Variants in RAD18 observed in about 807,000 individuals in gnomAD.
The protein encoded by RAD18 is E3 ubiquitin-protein ligase RAD18.
Under a neutral mutation model 60.4 loss-of-function variants are expected in RAD18, and 47 were observed. That is an observed-to-expected ratio of 0.78 (90% CI 0.62 to 0.99). RAD18 has a LOEUF of 0.99. Ranked by LOEUF, RAD18 falls within the 50% of genes least tolerant of loss-of-function variation. The pLI, the probability that RAD18 is intolerant of heterozygous loss-of-function variation, is 0.00. For missense variants in RAD18, 640 were observed against 593.3 expected (o/e 1.08, Z -0.82); for synonymous variants, 225 against 195.5 (o/e 1.15, Z -1.26).
At chr3:8,892,396 G>A (rs58527266) in intron 11 of RAD18, among the ~76,000 whole-genome samples, 5,539 of 152,214 alleles carry the variant, frequency 0.036, 299 homozygotes, top group East Asian at 0.21. Flanking sequence ...TAGATTACAC[G>A]TGAGAAAGAC....
chr3:8,891,184 G>A (rs1177065093), intron 11 of RAD18, among the ~76,000 whole-genome samples: 1 of 151,826 alleles, frequency 6.6e-6, no homozygotes, highest in African/African-American at 2.4e-5. Flanking sequence ...GGGTGATACT[G>A]CTCCTACTGA....
At chr3:8,958,363 A>C (rs13093889) in intron 2 of RAD18, among the ~76,000 whole-genome samples, 25,959 of 152,228 alleles carry the variant, frequency 0.17, 2,755 homozygotes, top group African/African-American at 0.3. Context: ...CCTATGCACT[A>C]AATATCTTAA....
chr3:8,902,614 G>A, intron 9 of RAD18, 94 bp from the exon 10 acceptor site: 2 of 1,266,166 alleles, frequency 1.6e-6, no homozygotes, highest in Non-Finnish European at 2.1e-6. Context: ...TACAAGGGAT[G>A]GGCATGGTGG....
chr3:8,901,203 T>C (rs969992719), intron 10 of RAD18, among the ~76,000 whole-genome samples: 21 of 152,134 alleles, frequency 1.4e-4, no homozygotes, highest in African/African-American at 3.4e-4. Flanking sequence ...TGTGAAGAAA[T>C]TGGAACCCTC....
chr3:8,902,649 C>T, intron 9 of RAD18, 129 bp from the exon 10 acceptor site: 1 of 916,638 alleles, frequency 1.1e-6, no homozygotes, highest in Non-Finnish European at 1.5e-6. Context: ...CCCAGCACTT[C>T]AGGAGCCTGA....
At chr3:8,930,315 C>T (rs1008265054) in intron 7 of RAD18, among the ~76,000 whole-genome samples, 3 of 152,080 alleles carry the variant, frequency 2.0e-5, no homozygotes, top group Admixed American at 6.5e-5. Flanking sequence ...TATAAAAGGC[C>T]ACATGCTATA....
intron 7 of RAD18, among the ~76,000 whole-genome samples, chr3:8,921,572 C>A (rs879738498): frequency 2.0e-5 from 3 of 151,996 alleles, no homozygotes; most frequent in Middle Eastern, 3.4e-3. Context: ...TCCTGGAGTC[C>A]GAGGCTGCGG....
intron 12 of RAD18, among the ~76,000 whole-genome samples, chr3:8,886,277 C>A (rs1285659308): frequency 6.6e-6 from 1 of 152,044 alleles, no homozygotes; most frequent in East Asian, 1.9e-4. Context: ...TAATGTTGGC[C>A]AGTTGTTATG....
chr3:8,878,123 C>G lies in RAD18; in HGVS notation c.*3234G>C, dbSNP rs922189057. ...CGTGACAGAGCAGCGGTGAGGAGGG[C>G]AGATGCTGGTAGAAGTCTGTCGGGG... On this transcript the variant is annotated 3_prime_UTR_variant, in exon 13 of 13. Coordinates refer to ENST00000264926, the MANE Select transcript of RAD18 (RefSeq NM_020165.4). The G allele has an allele frequency of 6.6e-6, 1 of 152,222 alleles. No individual in the cohort carries two copies. Among genetic ancestry groups the G allele is most frequent in the African/African-American group, 2.4e-5 (1 of 41,406 alleles). The allele number at this position is 152,222 out of a possible 1,614,324, so 9.4% of individuals were successfully genotyped here. A position where few individuals can be genotyped will look rare whatever the true frequency, so the allele number is the denominator to read the frequency against.
At chr3:8,935,544 C>A (rs1364571921) in intron 7 of RAD18, among the ~76,000 whole-genome samples, 1 of 152,108 alleles carries the variant, frequency 6.6e-6, no homozygotes, top group African/African-American at 2.4e-5. Flanking sequence ...AACGTGCCCA[C>A]AGTCACCAAG....
Position 8,881,390 on chromosome 3 carries a change from C to T in RAD18, c.1455G>A (p.Glu485=). Residue 485 remains glutamate, a synonymous_variant, in exon 13 of 13, where the codon GAG becomes GAA. Coordinates refer to ENST00000264926, the MANE Select transcript of RAD18 (RefSeq NM_020165.4). The part of the protein sequence containing the change: ...NRRTRAAESA[E]IEPRNKRNRN ...TATTACGCTTGTTTCTTGGTTCAAT[C>T]TCAGCACTTTCAGCGGCTCTTGTGC... 1 of 1,612,570 alleles carries T rather than the reference C, an allele frequency of 6.2e-7. No homozygotes were observed. The highest frequency in any genetic ancestry group is 8.5e-7 in the Non-Finnish European group (1 of 1,178,598).
chr3:8,904,897 G>A (rs1939978581), intron 9 of RAD18, among the ~76,000 whole-genome samples: 1 of 152,158 alleles, frequency 6.6e-6, no homozygotes, highest in African/African-American at 2.4e-5. Flanking sequence ...GAGACTTAAT[G>A]ACTTATTATC....
intron 2 of RAD18, among the ~76,000 whole-genome samples, chr3:8,957,361 T>C (rs1054677451): frequency 6.6e-6 from 1 of 151,924 alleles, no homozygotes; most frequent in African/African-American, 2.4e-5. Flanking sequence ...AATGCAACGA[T>C]CCTAAAAAAA....
In RAD18 at chr3:8,955,877, G is replaced by A. The variant is rs918061014; in HGVS notation, c.133+3043C>T. Among the ~76,000 whole-genome samples the A allele has an allele frequency of 5.3e-5, 8 of 152,226 alleles. No homozygotes were observed. In the East Asian group the frequency reaches 9.6e-4, roughly 18 times the overall value. On this transcript the variant is annotated intron_variant, in intron 2 of 12. Coordinates refer to ENST00000264926, the MANE Select transcript of RAD18 (RefSeq NM_020165.4). ...TGGTAGTGCCCCCTTATACACAGGC[G>A]AGACATTCCATAAAGCGCAGTGGAT...
chr3:8,910,851 G>GA (rs1940094449), intron 9 of RAD18, among the ~76,000 whole-genome samples: 2 of 152,182 alleles, frequency 1.3e-5, no homozygotes, highest in South Asian at 2.1e-4. Context: ...AGAAGTAGCA[G>GA]AAAAAATACT....
intron 7 of RAD18, among the ~76,000 whole-genome samples, chr3:8,922,158 C>A (rs1264307803): frequency 6.6e-6 from 1 of 152,190 alleles, no homozygotes; most frequent in Admixed American, 6.5e-5. Flanking sequence ...ACCGGGGAAG[C>A]ACAAGGGGTC....
At chr3:8,963,296 C>T in intron 1 of RAD18, 39 bp downstream of exon 1, 3 of 1,576,880 alleles carry the variant, frequency 1.9e-6, no homozygotes, top group Non-Finnish European at 2.6e-6. Flanking sequence ...CCTCCCCCCG[C>T]AGACACCCGG....
At position 8,881,175 on chromosome 3, in the gene RAD18, A is replaced by T; in HGVS notation, c.*182T>A. 1 of 561,440 alleles carries T rather than the reference A, an allele frequency of 1.8e-6. No individual in the cohort carries two copies. The highest frequency in any genetic ancestry group is 3.1e-6 in the Non-Finnish European group (1 of 323,396). 34.8% of individuals were successfully genotyped at this position (561,440 alleles called of 1,614,324 possible). A position where few individuals can be genotyped will look rare whatever the true frequency, so the allele number is the denominator to read the frequency against. ...TTTTAGAGGCAGGAGGCAACTGACC[A>T]AGTAAGGATATTTTGTAACATTTTT... On this transcript the variant is annotated 3_prime_UTR_variant, in exon 13 of 13. Coordinates refer to ENST00000264926, the MANE Select transcript of RAD18 (RefSeq NM_020165.4).
At chr3:8,963,262 G>A (rs781416891) in intron 1 of RAD18, 73 bp downstream of exon 1, 5 of 1,470,326 alleles carry the variant, frequency 3.4e-6, no homozygotes, top group Admixed American at 2.0e-5. Context: ...CTTAAGGCGA[G>A]GACATCCTCC....
Sources: gnomAD v4.1 joint callset for allele counts (sites outside exome capture counted in the v4.1 genomes callset) on GRCh38, gnomAD v4.1.1 for gene constraint, MANE v1.5 for transcripts, NCBI Gene and HGNC (gene_info 2026-07-23, HGNC 2026-07-21) for gene names.